Variants in ELK3 observed in about 807,000 individuals in gnomAD.
The protein encoded by ELK3 is ETS domain-containing protein Elk-3.
ELK3 carries 10 observed loss-of-function variants against 28.9 expected under a neutral mutation model. The ratio of observed to expected loss-of-function variants is 0.35; its 90% CI spans 0.21 to 0.59. The LOEUF (loss-of-function observed/expected upper bound fraction) is 0.59. Ranked by LOEUF, ELK3 falls within the 20% of genes least tolerant of loss-of-function variation. The pLI, the probability that ELK3 is intolerant of heterozygous loss-of-function variation, is 0.82. For synonymous variants in ELK3, 272 were observed against 243.5 expected (o/e 1.12, Z -1.09); for missense variants, 463 against 517.3 (o/e 0.90, Z 1.02).
rs145139878 is a variant in ELK3, at chr12:96,197,871, A to G, written c.-3+3166A>G. On this transcript the variant is annotated intron_variant, in intron 1 of 4. Transcript: ENST00000228741. ...GTCATATATTAAAATTTATATTTGTAATAACTTTTTGGAACTTGAATCTTT... is the reference window on the plus strand; with the variant it reads ...GTCATATATTAAAATTTATATTTGTGATAACTTTTTGGAACTTGAATCTTT... Among the ~76,000 whole-genome samples the G allele has an allele frequency of 2.0e-5, 3 of 152,328 alleles. No individual in the cohort carries two copies. In the East Asian group the frequency reaches 5.8e-4, roughly 29 times the overall value.
chr12:96,218,502 C>A (rs537550288), intron 1 of ELK3, among the ~76,000 whole-genome samples: 43 of 152,086 alleles, frequency 2.8e-4, no homozygotes, highest in African/African-American at 7.7e-4. Flanking sequence ...TGCCAGATTA[C>A]CTGTTGGGTG....
chr12:96,220,876 G>A (rs894129316), intron 1 of ELK3, among the ~76,000 whole-genome samples: 1 of 152,172 alleles, frequency 6.6e-6, no homozygotes, highest in African/African-American at 2.4e-5. Context: ...TCACAAGTCA[G>A]TGTCACGGAT....
At chr12:96,260,447 G>C (rs1274252421) in intron 4 of ELK3, among the ~76,000 whole-genome samples, 1 of 152,142 alleles carries the variant, frequency 6.6e-6, no homozygotes, top group Non-Finnish European at 1.5e-5. Flanking sequence ...ATCATTTTAT[G>C]AATCATCATT....
chr12:96,223,894 T>G, intron 2 of ELK3, 121 bp downstream of exon 2: 1 of 987,018 alleles, frequency 1.0e-6, no homozygotes, highest in Non-Finnish European at 1.5e-6. Flanking sequence ...ATAGGGGCAG[T>G]GCATACCTTC....
chr12:96,236,481 A>G (rs1951784596), intron 2 of ELK3, among the ~76,000 whole-genome samples: 1 of 152,134 alleles, frequency 6.6e-6, no homozygotes. Context: ...ACCACAAGAA[A>G]ACCTCTCCCG....
chr12:96,208,111 G>T (rs1009434401), intron 1 of ELK3, among the ~76,000 whole-genome samples: 4 of 152,146 alleles, frequency 2.6e-5, no homozygotes, highest in African/African-American at 9.7e-5. Context: ...GAGTGCAGTG[G>T]CATGATCTTG....
intron 1 of ELK3, among the ~76,000 whole-genome samples, chr12:96,211,605 A>G (rs1350387844): frequency 1.3e-5 from 2 of 152,096 alleles, no homozygotes; most frequent in Admixed American, 1.3e-4. Context: ...ATCTCTAAAA[A>G]GAATAATTTC....
chr12:96,235,338 G>A (rs1422560298), intron 2 of ELK3, among the ~76,000 whole-genome samples: 1 of 151,822 alleles, frequency 6.6e-6, no homozygotes, highest in Admixed American at 6.6e-5. Flanking sequence ...GGCCGTGTCT[G>A]TTCCATGGCC....
intron 1 of ELK3, among the ~76,000 whole-genome samples, chr12:96,202,817 A>G (rs1951515567): frequency 6.6e-6 from 1 of 151,936 alleles, no homozygotes; most frequent in Non-Finnish European, 1.5e-5. Context: ...GTGAGCCACC[A>G]TGCCTGGCCA....
rs367905396 is a variant in ELK3 at position 96,224,604 on chromosome 12, AC to A, written c.207+833del. ...GTGATAATATAGCGTAGTTGCCAAA[AC>A]CAGGACAGTTGGAGTGAGTTTTAAT... On this transcript the variant is annotated intron_variant, in intron 2 of 4. Coordinates refer to ENST00000228741, the MANE Select transcript of ELK3 (RefSeq NM_005230.4). Among the ~76,000 whole-genome samples, 913 of 152,324 alleles carry A rather than the reference AC, an allele frequency of 6.0e-3. 7 individuals are homozygous for A. Among genetic ancestry groups the A allele is most frequent in the African/African-American group, 0.021 (855 of 41,582 alleles).
chr12:96,198,281 T>G (rs767627277), intron 1 of ELK3: 1 of 152,218 alleles, frequency 6.6e-6, no homozygotes, highest in Non-Finnish European at 1.5e-5. Context: ...GGGCTGGCCT[T>G]GCACTCCTGG....
rs771649159 is a variant in ELK3 at position 96,246,996 on chromosome 12, G to A, written c.264G>A (p.Pro88=). ...QKFVYKFVSF[P]EILKMDPHAV... Reference sequence around the variant, plus strand: ...TTGTGTACAAGTTTGTCTCTTTCCCGGAGATCCTGAAGATGGATCCTCACG... The same window carrying A: ...TTGTGTACAAGTTTGTCTCTTTCCCAGAGATCCTGAAGATGGATCCTCACG... Residue 88 remains proline, a synonymous_variant, in exon 3 of 5, where the codon CCG becomes CCA. Transcript: ENST00000228741. 11 of 1,613,330 alleles carry A rather than the reference G, an allele frequency of 6.8e-6. No homozygotes were observed. Among genetic ancestry groups the A allele is most frequent in the South Asian group, 4.4e-5 (4 of 90,992 alleles).
intron 1 of ELK3, among the ~76,000 whole-genome samples, chr12:96,199,479 G>GCT (rs1163546052): frequency 8.9e-5 from 8 of 90,170 alleles, no homozygotes; most frequent in South Asian, 3.8e-4. Context: ...AATAAAATTA[G>GCT]CTGTGTGTGT....
Position 96,247,763 on chromosome 12 carries a change from C to T in ELK3, c.1002+29C>T, listed in dbSNP as rs1448698119. 3 of 1,485,018 alleles carry T rather than the reference C, an allele frequency of 2.0e-6. No individual in the cohort carries two copies. The highest frequency in any genetic ancestry group is 1.4e-5 in the African/African-American group (1 of 70,268). The allele number at this position is 1,485,018 out of a possible 1,614,324, so 92.0% of individuals were successfully genotyped here. A position where few individuals can be genotyped will look rare whatever the true frequency, so the allele number is the denominator to read the frequency against. ...AGAGTCATTCCTGTCATCTAAGCCACAGCCAGCTTCAGTGGCTTAGCAAAA... is the reference window on the plus strand; with the variant it reads ...AGAGTCATTCCTGTCATCTAAGCCATAGCCAGCTTCAGTGGCTTAGCAAAA... On this transcript the variant is annotated intron_variant, in intron 3 of 4. Coordinates refer to ENST00000228741, the MANE Select transcript of ELK3 (RefSeq NM_005230.4). The surrounding 1 kb of genome is among the most constrained non-coding windows in gnomAD (Gnocchi z 5.5).
intron 1 of ELK3, among the ~76,000 whole-genome samples, chr12:96,215,261 G>T (rs180698763): frequency 5.3e-5 from 8 of 152,236 alleles, no homozygotes; most frequent in African/African-American, 1.9e-4. Flanking sequence ...GTAGAAAGAA[G>T]AACAAATAAG....
intron 1 of ELK3, among the ~76,000 whole-genome samples, chr12:96,209,474 A>G (rs1043357891): frequency 2.0e-5 from 3 of 152,358 alleles, no homozygotes; most frequent in East Asian, 1.9e-4. Flanking sequence ...GTATCCATGC[A>G]AAAAGGTTCT....
At chr12:96,259,663 C>T (rs1053081596) in intron 3 of ELK3, 68 bp from the exon 4 acceptor site, 5 of 1,529,058 alleles carry the variant, frequency 3.3e-6, no homozygotes, top group Non-Finnish European at 4.4e-6. Flanking sequence ...CCTCTCTCTG[C>T]TGCTCTGTTG....
chr12:96,211,487 TTGTGTG>T (rs201554119), intron 1 of ELK3, among the ~76,000 whole-genome samples: 59 of 54,500 alleles, frequency 1.1e-3, no homozygotes, highest in Non-Finnish European at 1.8e-3. Flanking sequence ...CATTGTGTGT[TTGTGTG>T]TGTGTGTGTG....
At chr12:96,225,473 A>G (rs1382111419) in intron 2 of ELK3, among the ~76,000 whole-genome samples, 1 of 152,252 alleles carries the variant, frequency 6.6e-6, no homozygotes, top group Non-Finnish European at 1.5e-5. Flanking sequence ...GAGCAGTTTC[A>G]TAGCCTTCAG....
Sources: allele counts gnomAD v4.1 joint callset (sites outside exome capture counted in the v4.1 genomes callset), GRCh38; gene constraint gnomAD v4.1.1; non-coding constraint Gnocchi (gnomAD v3.1); transcripts MANE v1.5; gene names NCBI Gene and HGNC (gene_info 2026-07-23, HGNC 2026-07-21).